The following CDCA2 variants were observed in gnomAD, a reference collection of about 807,000 sequenced individuals.
CDCA2 encodes the protein cell division cycle-associated protein 2.
In CDCA2, 44 loss-of-function variants were observed where a neutral mutation model predicts 67.0. That is an observed-to-expected ratio of 0.66 (90% CI 0.52 to 0.84). The LOEUF is 0.84. Ranked by LOEUF, CDCA2 falls within the 40% of genes least tolerant of loss-of-function variation. The probability of loss-of-function intolerance (pLI) is 0.00; values close to 1 mark genes in which losing one functional copy is unlikely to be tolerated. For missense variants in CDCA2, 1,253 were observed against 1,203.2 expected (o/e 1.04, Z -0.61); for synonymous variants, 447 against 418.7 (o/e 1.07, Z -0.82).
At chr8:25,461,461 A>G (rs1446944532) in intron 3 of CDCA2, among the ~76,000 whole-genome samples, 2 of 152,196 alleles carry the variant, frequency 1.3e-5, no homozygotes, top group African/African-American at 4.8e-5. Context: ...ATCACAGGGC[A>G]CTAGACCAGG....
intron 1 of CDCA2, 72 bp from the exon 2 acceptor site, chr8:25,460,168 A>G (rs1258501416): frequency 1.4e-6 from 2 of 1,440,250 alleles, no homozygotes; most frequent in African/African-American, 1.4e-5. Context: ...TCAGTCCTGA[A>G]TAAGGTACGT....
chr8:25,483,100 G>A (rs866887723), intron 8 of CDCA2, among the ~76,000 whole-genome samples: 27 of 151,856 alleles, frequency 1.8e-4, no homozygotes, highest in Non-Finnish European at 3.8e-4. Flanking sequence ...AGCTACTCAC[G>A]TTTTCCTTAG....
Position 25,506,738 on chromosome 8 carries a change from T to C in CDCA2, c.2072T>C (p.Ile691Thr), listed in dbSNP as rs1327586819. 9 of 1,612,446 alleles carry C rather than the reference T, an allele frequency of 5.6e-6. No individual in the cohort carries two copies. The highest frequency in any genetic ancestry group is 2.2e-5 in the East Asian group (1 of 44,870). ...NIMNINENKN[I>T]PKAKNKSESE... is the part of the protein sequence containing the mutation. ...ATGAACATTAATGAAAATAAAAATA[T>C]TCCAAAAGCAAAAAATAAGTCAGAA... The change falls in exon 15 of 15, where the codon ATT (isoleucine) becomes ACT (threonine). Residue 691 changes from isoleucine (I) to threonine (T), a missense_variant. Transcript: ENST00000330560.
At chr8:25,487,151 A>G in intron 11 of CDCA2, 95 bp from the exon 12 acceptor site, 1 of 760,806 alleles carries the variant, frequency 1.3e-6, no homozygotes, top group Non-Finnish European at 2.3e-6. Context: ...ATATGGTATT[A>G]AAGGTGGATA....
chr8:25,479,249 T>C (rs971005691), intron 7 of CDCA2, among the ~76,000 whole-genome samples: 10 of 152,124 alleles, frequency 6.6e-5, no homozygotes, highest in African/African-American at 2.4e-4. Context: ...TCCCTCTCCC[T>C]CCTCCCTGCT....
At chr8:25,486,876 A>G (rs1803799306) in intron 11 of CDCA2, among the ~76,000 whole-genome samples, 1 of 152,178 alleles carries the variant, frequency 6.6e-6, no homozygotes. Context: ...AATTTAAAAC[A>G]AAGTATTTTC....
chr8:25,461,481 A>C (rs1802685965), intron 3 of CDCA2, among the ~76,000 whole-genome samples: 1 of 152,180 alleles, frequency 6.6e-6, no homozygotes. Context: ...GTAATACATA[A>C]GACAAGGCGA....
intron 7 of CDCA2, among the ~76,000 whole-genome samples, chr8:25,473,262 G>T (rs1214086180): frequency 6.6e-6 from 1 of 152,096 alleles, no homozygotes; most frequent in Non-Finnish European, 1.5e-5. Context: ...CCCATTAATG[G>T]ATGCTTTTTC....
intron 10 of CDCA2, among the ~76,000 whole-genome samples, chr8:25,485,301 T>C (rs1056350486): frequency 9.2e-5 from 14 of 152,032 alleles, no homozygotes; most frequent in Middle Eastern, 3.4e-3. Flanking sequence ...TTTCTTCAAA[T>C]TGACTAATGT....
intron 14 of CDCA2, among the ~76,000 whole-genome samples, chr8:25,504,659 C>G (rs1230114775): frequency 1.3e-5 from 2 of 152,132 alleles, no homozygotes; most frequent in Admixed American, 1.3e-4. Context: ...AAACAGCCAC[C>G]CCTCTGTCGC....
At chr8:25,475,443 C>G (rs1206884797) in intron 7 of CDCA2, among the ~76,000 whole-genome samples, 1 of 152,178 alleles carries the variant, frequency 6.6e-6, no homozygotes, top group Non-Finnish European at 1.5e-5. Flanking sequence ...TGCTTGAACC[C>G]AGGAGGCGGA....
chr8:25,477,394 G>A (rs1450119901), intron 7 of CDCA2, among the ~76,000 whole-genome samples: 1 of 151,992 alleles, frequency 6.6e-6, no homozygotes, highest in Non-Finnish European at 1.5e-5. Flanking sequence ...CTTCATGTTC[G>A]GTGCTTGGAC....
At chr8:25,495,712 G>A (rs1001831062) in intron 13 of CDCA2, among the ~76,000 whole-genome samples, 4 of 152,218 alleles carry the variant, frequency 2.6e-5, no homozygotes, top group East Asian at 1.9e-4. Context: ...GAGCCACTGC[G>A]CCTGGCCCTA....
intron 7 of CDCA2, among the ~76,000 whole-genome samples, chr8:25,473,017 C>G (rs983351648): frequency 6.6e-6 from 1 of 152,142 alleles, no homozygotes; most frequent in East Asian, 1.9e-4. Context: ...CCTTCCTCAC[C>G]ACTTCTACAG....
chr8:25,479,382 A>C (rs1293867567), intron 7 of CDCA2, among the ~76,000 whole-genome samples: 1 of 152,170 alleles, frequency 6.6e-6, no homozygotes, highest in African/African-American at 2.4e-5. Context: ...ACTTAATCAT[A>C]AGGCAACGCT....
intron 13 of CDCA2, among the ~76,000 whole-genome samples, chr8:25,495,273 CTA>C (rs1310531500): frequency 1.3e-5 from 2 of 152,128 alleles, no homozygotes; most frequent in African/African-American, 4.8e-5. Flanking sequence ...TTTTACCTGA[CTA>C]TGAAACAAAA....
chr8:25,506,166 A>C (rs1386674271), intron 14 of CDCA2, among the ~76,000 whole-genome samples: 7 of 152,228 alleles, frequency 4.6e-5, no homozygotes, highest in Admixed American at 3.9e-4. Flanking sequence ...ATTCATTTTC[A>C]GGGAAATGGG....
At chr8:25,499,294 ATTTTTTTTT>A (rs34849682) in intron 13 of CDCA2, among the ~76,000 whole-genome samples, 2 of 83,202 alleles carry the variant, frequency 2.4e-5, no homozygotes, top group African/African-American at 9.8e-5. Context: ...ATGTCCATGA[ATTTTTTTTT>A]TTTTTTTTTT....
At chr8:25,500,746 A>G (rs1046773654) in intron 13 of CDCA2, among the ~76,000 whole-genome samples, 1 of 152,236 alleles carries the variant, frequency 6.6e-6, no homozygotes, top group Non-Finnish European at 1.5e-5. Context: ...AGAACAAGAT[A>G]GCTTTTACCA....
Sources: gnomAD v4.1 joint callset for allele counts (sites outside exome capture counted in the v4.1 genomes callset) on GRCh38, gnomAD v4.1.1 for gene constraint, MANE v1.5 for transcripts, NCBI Gene and HGNC (gene_info 2026-07-23, HGNC 2026-07-21) for gene names.